Variants in TMCC1 observed in about 807,000 individuals in gnomAD.
TMCC1 encodes transmembrane and coiled-coil domain family 1, also known as transmembrane and coiled-coil domains protein 1.
TMCC1 carries 15 observed loss-of-function variants against 52.4 expected under a neutral mutation model. That is an observed-to-expected ratio of 0.29 (90% CI 0.19 to 0.44). TMCC1 has a LOEUF of 0.44. Among genes scored for constraint, TMCC1 ranks in the 20% least tolerant of loss-of-function variants. TMCC1 has a pLI of 1.00. For synonymous variants in TMCC1, 279 were observed against 301.9 expected, an observed-to-expected ratio of 0.92 and a Z score of 0.79; for missense variants, 503 against 806.0, an observed-to-expected ratio of 0.62 and a Z score of 4.55.
intron 4 of TMCC1, among the ~76,000 whole-genome samples, chr3:129,681,493 C>G (rs2088977271): frequency 6.6e-6 from 1 of 151,182 alleles, no homozygotes; most frequent in South Asian, 2.1e-4. Context: ...GAGCTATGTA[C>G]TTAGAAGCTT....
intron 4 of TMCC1, among the ~76,000 whole-genome samples, chr3:129,711,094 C>A (rs1308809967): frequency 6.6e-6 from 1 of 152,160 alleles, no homozygotes; most frequent in African/African-American, 2.4e-5. Context: ...GAACTCCTCA[C>A]CTCAGGTGAT....
rs187757940 is a variant in TMCC1 at position 129,888,110 on chromosome 3, T to G, written c.-435+5384A>C. Reference sequence around the variant, plus strand: ...ACTAGTTTCCCACAGGTATACAGATTAACAGTTCTGAAACCACTATACGTG... The same window carrying G: ...ACTAGTTTCCCACAGGTATACAGATGAACAGTTCTGAAACCACTATACGTG... On this transcript the variant is annotated intron_variant, in intron 1 of 6. Transcript: ENST00000393238. Among the ~76,000 whole-genome samples the G allele has an allele frequency of 4.5e-3, 688 of 152,334 alleles. 3 individuals are homozygous for G. The highest frequency in any genetic ancestry group is 0.013 in the Admixed American group (202 of 15,298).
At chr3:129,870,816 T>A (rs2060894183) in intron 2 of TMCC1, among the ~76,000 whole-genome samples, 2 of 147,276 alleles carry the variant, frequency 1.4e-5, no homozygotes, top group African/African-American at 5.0e-5. Context: ...TATTCTGGTC[T>A]CATTCATCTA....
At chr3:129,845,186 A>ACACT (rs1449337021) in intron 2 of TMCC1, among the ~76,000 whole-genome samples, 1 of 21,108 alleles carries the variant, frequency 4.7e-5, no homozygotes, top group African/African-American at 1.1e-4. Context: ...AGTCCCTGTC[A>ACACT]CACTCACACA....
intron 4 of TMCC1, among the ~76,000 whole-genome samples, chr3:129,748,755 C>G (rs1438811327): frequency 6.6e-6 from 1 of 152,060 alleles, no homozygotes; most frequent in Non-Finnish European, 1.5e-5. Context: ...GTAATCCCAG[C>G]ACTTTGGGAG....
At chr3:129,663,399 A>T (rs770710067) in intron 5 of TMCC1, among the ~76,000 whole-genome samples, 23 of 152,254 alleles carry the variant, frequency 1.5e-4, no homozygotes, top group Non-Finnish European at 3.1e-4. Flanking sequence ...TCCCAAATGC[A>T]TACCAGAGAC....
At chr3:129,780,411 A>C (rs1182822609) in intron 4 of TMCC1, among the ~76,000 whole-genome samples, 2 of 151,980 alleles carry the variant, frequency 1.3e-5, no homozygotes, top group African/African-American at 4.8e-5. Context: ...TTTGACACTA[A>C]GCACCACCTC....
At chr3:129,709,815 CAG>C (rs1033649789) in intron 4 of TMCC1, among the ~76,000 whole-genome samples, 2 of 152,024 alleles carry the variant, frequency 1.3e-5, no homozygotes, top group African/African-American at 4.8e-5. Flanking sequence ...CTGATAATGG[CAG>C]AGAGTCAGAA....
intron 1 of TMCC1, among the ~76,000 whole-genome samples, chr3:129,882,620 A>G (rs2061509383): frequency 6.6e-6 from 1 of 152,244 alleles, no homozygotes; most frequent in African/African-American, 2.4e-5. Flanking sequence ...CTCAAGTGTC[A>G]TATGTCCATG....
intron 4 of TMCC1, among the ~76,000 whole-genome samples, chr3:129,724,186 C>G (rs141701306): frequency 7.9e-4 from 120 of 152,162 alleles, no homozygotes; most frequent in African/African-American, 2.8e-3. Context: ...TACAGAATGC[C>G]TGTTCTAGAA....
chr3:129,792,398 A>G (rs1022695952), intron 4 of TMCC1, among the ~76,000 whole-genome samples: 2 of 151,884 alleles, frequency 1.3e-5, no homozygotes, highest in Non-Finnish European at 2.9e-5. Context: ...CCCAGGCTGG[A>G]GTGCAGTGGC....
rs376614223 is a variant in TMCC1 at position 129,696,585 on chromosome 3, C to T, written c.577-25321G>A. 1.2e-4 allele frequency among the ~76,000 whole-genome samples: 19 copies of T among 152,236 alleles called. No homozygotes were observed. The East Asian group carries it at 1.5e-3, about 12-fold the overall frequency. On this transcript the variant is annotated intron_variant, in intron 4 of 6. Transcript: ENST00000393238. ...TTGTTGACACCTTCCCAACAGTCCC[C>T]GAAAGTCTTAGCTCATTTCAGCATT... is the stretch of plus-strand genomic sequence containing the variant.
At chr3:129,695,915 A>G (rs549015943) in intron 4 of TMCC1, among the ~76,000 whole-genome samples, 1 of 152,338 alleles carries the variant, frequency 6.6e-6, no homozygotes, top group East Asian at 1.9e-4. Context: ...AACCCTATGT[A>G]TCATGACTTA....
intron 5 of TMCC1, among the ~76,000 whole-genome samples, chr3:129,655,882 C>T (rs1045778560): frequency 2.0e-5 from 3 of 151,856 alleles, no homozygotes; most frequent in African/African-American, 7.3e-5. Flanking sequence ...CATGCCCAGC[C>T]TAGAAAAGGT....
intron 4 of TMCC1, among the ~76,000 whole-genome samples, chr3:129,690,209 A>C (rs772266827): frequency 6.6e-6 from 1 of 152,200 alleles, no homozygotes; most frequent in Non-Finnish European, 1.5e-5. Context: ...GGACTCTATA[A>C]GAGAATCCAT....
At chr3:129,890,213 G>A (rs546426445) in intron 1 of TMCC1, among the ~76,000 whole-genome samples, 1 of 152,282 alleles carries the variant, frequency 6.6e-6, no homozygotes, top group African/African-American at 2.4e-5. Flanking sequence ...ACACTTTAAG[G>A]GTCATGTGGC....
intron 4 of TMCC1, among the ~76,000 whole-genome samples, chr3:129,738,008 C>T (rs1204007644): frequency 6.6e-6 from 1 of 152,008 alleles, no homozygotes; most frequent in African/African-American, 2.4e-5. Flanking sequence ...CAGTGTTTCA[C>T]GCCTGTAATC....
chr3:129,765,626 G>GAT (rs1481930542), intron 4 of TMCC1, among the ~76,000 whole-genome samples: 4 of 152,098 alleles, frequency 2.6e-5, no homozygotes, highest in Non-Finnish European at 5.9e-5. Flanking sequence ...TAGCAACACA[G>GAT]ATATAAGAGA....
At chr3:129,817,580 C>T (rs2058161497) in intron 4 of TMCC1, among the ~76,000 whole-genome samples, 1 of 152,152 alleles carries the variant, frequency 6.6e-6, no homozygotes, top group Non-Finnish European at 1.5e-5. Flanking sequence ...TCCTTCTAGG[C>T]CCTTAGAGAC....
Sources: allele counts gnomAD v4.1 joint callset (sites outside exome capture counted in the v4.1 genomes callset), GRCh38; gene constraint gnomAD v4.1.1; transcripts MANE v1.5; gene names NCBI Gene and HGNC (gene_info 2026-07-23, HGNC 2026-07-21).